DLGAP2: variants seen among roughly 807,000 people sequenced by gnomAD.
DLGAP2 encodes the protein disks large-associated protein 2.
DLGAP2 carries 26 observed loss-of-function variants against 100.3 expected under a neutral mutation model. That is an observed-to-expected ratio of 0.26 (90% CI 0.19 to 0.36). The LOEUF (loss-of-function observed/expected upper bound fraction) is 0.36, where lower values mean the gene tolerates loss of function less well. DLGAP2 is among the 10% of genes least tolerant of loss of function. The pLI is 1.00. For missense variants in DLGAP2, 1,858 were observed against 1,453.2 expected, an observed-to-expected ratio of 1.28 and a Z score of -4.53; for synonymous variants, 886 against 630.1, an observed-to-expected ratio of 1.41 and a Z score of -6.08.
intron 3 of DLGAP2, among the ~76,000 whole-genome samples, chr8:1,288,560 G>GT (rs1306370608): frequency 8.0e-6 from 1 of 125,714 alleles, no homozygotes; most frequent in African/African-American, 3.2e-5. Context: ...GTGTGTGTGT[G>GT]GTTAGGAGGG....
chr8:1,334,328 G>A lies in DLGAP2; in HGVS notation c.106+75445G>A, dbSNP rs764075247. 8.9e-4 allele frequency among the ~76,000 whole-genome samples: 135 copies of A among 152,296 alleles called. 1 individual carries two copies. The highest frequency in any genetic ancestry group is 1.2e-3 in the Non-Finnish European group (83 of 68,020). On this transcript the variant is annotated intron_variant, in intron 3 of 14. Coordinates refer to ENST00000637795, the MANE Select transcript of DLGAP2 (RefSeq NM_001346810.2). ...CTTAGAGCCATCACTGTGACCCAGCGTTCCTGGCGTCGGCCCTCATCCACC... is the reference window on the plus strand; with the variant it reads ...CTTAGAGCCATCACTGTGACCCAGCATTCCTGGCGTCGGCCCTCATCCACC...
chr8:1,257,883 G>C (rs1464780302), intron 2 of DLGAP2, among the ~76,000 whole-genome samples: 5 of 152,248 alleles, frequency 3.3e-5, no homozygotes, highest in Non-Finnish European at 7.3e-5. Context: ...AGGGCTGGGG[G>C]TTAGGTCACC....
At chr8:1,332,641 G>C (rs1183120196) in intron 3 of DLGAP2, among the ~76,000 whole-genome samples, 1 of 152,180 alleles carries the variant, frequency 6.6e-6, no homozygotes, top group Non-Finnish European at 1.5e-5. Context: ...ACGTCTAAGT[G>C]ACTGGCTGGC....
intron 2 of DLGAP2, among the ~76,000 whole-genome samples, chr8:1,045,404 A>G (rs140281866): frequency 1.7e-3 from 259 of 152,376 alleles, no homozygotes; most frequent in Non-Finnish European, 2.6e-3. Context: ...TGTCTATGGT[A>G]TACAACCTGT....
chr8:1,221,608 G>T (rs1039829656), intron 2 of DLGAP2, among the ~76,000 whole-genome samples: 1 of 152,024 alleles, frequency 6.6e-6, no homozygotes, highest in African/African-American at 2.4e-5. Context: ...TCTCTCAGGG[G>T]TTCTCTGAAT....
chr8:1,563,096 A>G (rs13281610), intron 5 of DLGAP2, among the ~76,000 whole-genome samples: 34 of 28,784 alleles, frequency 1.2e-3, no homozygotes, highest in African/African-American at 1.3e-3. Context: ...TTGCTGGGGG[A>G]CTGTGTGGTG....
At chr8:1,175,584 A>G (rs1797235229) in intron 2 of DLGAP2, among the ~76,000 whole-genome samples, 1 of 152,240 alleles carries the variant, frequency 6.6e-6, no homozygotes, top group South Asian at 2.1e-4. Flanking sequence ...TTAGGACAGT[A>G]GGAACATGAC....
intron 2 of DLGAP2, among the ~76,000 whole-genome samples, chr8:1,010,430 A>G (rs530211725): frequency 1.1e-4 from 16 of 152,356 alleles, no homozygotes; most frequent in African/African-American, 3.8e-4. Context: ...GTGCCCACAT[A>G]TGCACACACA....
At chr8:1,536,546 C>G (rs1019431985) in intron 4 of DLGAP2, among the ~76,000 whole-genome samples, 16 of 152,168 alleles carry the variant, frequency 1.1e-4, no homozygotes, top group Admixed American at 1.0e-3. Context: ...GCATTTTGAG[C>G]CTGGCGTGAT....
At chr8:1,700,010 T>C (rs1034162981) in intron 14 of DLGAP2, among the ~76,000 whole-genome samples, 7 of 152,244 alleles carry the variant, frequency 4.6e-5, no homozygotes, top group Non-Finnish European at 7.3e-5. Flanking sequence ...AAGGTTTCAA[T>C]GAACTGATCC....
chr8:923,501 C>A (rs771546527), intron 2 of DLGAP2, among the ~76,000 whole-genome samples: 1 of 152,178 alleles, frequency 6.6e-6, no homozygotes, highest in Non-Finnish European at 1.5e-5. Flanking sequence ...ACCCTGCATT[C>A]AGAATGAAAA....
At chr8:1,130,964 C>G (rs1340135296) in intron 2 of DLGAP2, among the ~76,000 whole-genome samples, 1 of 152,216 alleles carries the variant, frequency 6.6e-6, no homozygotes, top group African/African-American at 2.4e-5. Context: ...CCGGTCCTGG[C>G]TGTGTCCTAC....
At chr8:1,445,292 A>C (rs1431962541) in intron 3 of DLGAP2, among the ~76,000 whole-genome samples, 1 of 128,486 alleles carries the variant, frequency 7.8e-6, no homozygotes, top group African/African-American at 3.0e-5. Flanking sequence ...TCTGTGTCCA[A>C]GTCTTCTAAT....
chr8:1,613,438 G>T (rs528921943), intron 6 of DLGAP2, among the ~76,000 whole-genome samples: 36 of 151,924 alleles, frequency 2.4e-4, no homozygotes, highest in Middle Eastern at 3.4e-3. Context: ...ATATACCTAA[G>T]GCTAGATGAC....
intron 3 of DLGAP2, among the ~76,000 whole-genome samples, chr8:1,286,859 A>C (rs1245584667): frequency 1.3e-5 from 2 of 152,374 alleles, no homozygotes; most frequent in East Asian, 3.9e-4. Flanking sequence ...CTTGATTTGC[A>C]CAAGTGCATT....
chr8:1,030,497 T>G (rs1174874806), intron 2 of DLGAP2, among the ~76,000 whole-genome samples: 1 of 152,194 alleles, frequency 6.6e-6, no homozygotes, highest in East Asian at 1.9e-4. Context: ...GACTCGGCTG[T>G]AATGTGTATT....
rs560923128 is a variant in DLGAP2 at position 786,300 on chromosome 8, C to T, written c.18+48475C>T. 3.3e-5 allele frequency among the ~76,000 whole-genome samples: 5 copies of T among 152,194 alleles called. No individual in the cohort carries two copies. In the South Asian group the frequency reaches 1.0e-3, roughly 32 times the overall value. The stretch of plus-strand genomic sequence containing the variant: ...GCAGTTGGTCCATGGAGCTGGGTCC[C>T]GGAGGTCACCAGGAGCCATGGTCCG... On this transcript the variant is annotated intron_variant, in intron 1 of 14. Coordinates refer to ENST00000637795, the MANE Select transcript of DLGAP2 (RefSeq NM_001346810.2).
intron 1 of DLGAP2, among the ~76,000 whole-genome samples, chr8:871,730 C>T (rs370804765): frequency 7.2e-5 from 11 of 152,226 alleles, no homozygotes; most frequent in African/African-American, 2.6e-4. Context: ...TGAAGTACTT[C>T]TGGTCCCACG....
At chr8:1,640,342 G>C (rs1229722114) in intron 8 of DLGAP2, among the ~76,000 whole-genome samples, 1 of 128,928 alleles carries the variant, frequency 7.8e-6, no homozygotes, top group Admixed American at 7.0e-5. Context: ...GGAAGCCCAG[G>C]CGTGCTGTCC....
Sources: gnomAD v4.1 joint callset for allele counts (sites outside exome capture counted in the v4.1 genomes callset) on GRCh38, gnomAD v4.1.1 for gene constraint, MANE v1.5 for transcripts, NCBI Gene and HGNC (gene_info 2026-07-23, HGNC 2026-07-21) for gene names.